The following DNAH6 variants were observed in gnomAD, a reference collection of about 807,000 sequenced individuals.
The protein encoded by DNAH6 is dynein axonemal heavy chain 6.
Under a neutral mutation model 491.4 loss-of-function variants are expected in DNAH6, and 340 were observed. The observed-to-expected ratio is 0.69, with a 90% CI of 0.63 to 0.76. The LOEUF is 0.76. Ranked by LOEUF, DNAH6 falls within the 30% of genes least tolerant of loss-of-function variation. DNAH6 has a pLI of 0.00. For synonymous variants in DNAH6, 1,603 were observed against 1,686.1 expected (o/e 0.95, Z 1.21); for missense variants, 4,443 against 4,972.2 (o/e 0.89, Z 3.20).
intron 38 of DNAH6, 134 bp from the exon 39 acceptor site, chr2:84,670,194 A>T: frequency 1.6e-6 from 1 of 612,454 alleles, no homozygotes; most frequent in Non-Finnish European, 2.8e-6. Flanking sequence ...CTCCAGTAAG[A>T]GAAAGCAGAC....
At chr2:84,754,874 A>T (rs1262085039) in intron 63 of DNAH6, among the ~76,000 whole-genome samples, 4 of 152,224 alleles carry the variant, frequency 2.6e-5, no homozygotes, top group African/African-American at 9.7e-5. Flanking sequence ...CAATTTGGGG[A>T]ATATTTACCT....
intron 2 of DNAH6, among the ~76,000 whole-genome samples, chr2:84,520,489 G>C (rs1676036018): frequency 6.6e-6 from 1 of 152,056 alleles, no homozygotes; most frequent in South Asian, 2.1e-4. Flanking sequence ...CTGAGGTCAT[G>C]GGGGTTTGTT....
At position 84,754,097 on chromosome 2, in the gene DNAH6, C is replaced by T. The variant is rs184768466; in HGVS notation, c.10513-8658C>T. 2.8e-3 allele frequency among the ~76,000 whole-genome samples: 420 copies of T among 152,180 alleles called. 3 individuals carry two copies. Among genetic ancestry groups the T allele is most frequent in the African/African-American group, 9.9e-3 (411 of 41,534 alleles). Reference sequence around the variant, plus strand: ...TTGGCCTCCCAAAGTGCTGGGATTACAGGTGTGAGCCACCACGCCTGGCCT... The same window carrying T: ...TTGGCCTCCCAAAGTGCTGGGATTATAGGTGTGAGCCACCACGCCTGGCCT... On this transcript the variant is annotated intron_variant, in intron 63 of 76. Coordinates refer to ENST00000389394, the MANE Select transcript of DNAH6 (RefSeq NM_001370.2).
At chr2:84,687,526 A>G (rs1242372720) in intron 44 of DNAH6, among the ~76,000 whole-genome samples, 4 of 152,184 alleles carry the variant, frequency 2.6e-5, no homozygotes, top group African/African-American at 4.8e-5. Context: ...GTATTTTTGT[A>G]AAGTATATAT....
chr2:84,548,381 A>G lies in DNAH6; in HGVS notation c.1280A>G (p.Gln427Arg), dbSNP rs1558694496. ...GDSEKMTYTEQASKRHYCMRL... is the reference protein window; with the variant it reads ...GDSEKMTYTERASKRHYCMRL... ...TCTGAGAAAATGACATATACAGAAC[A>G]GGCCAGCAAAAGGCATTATTGCATG... The change falls in exon 8 of 77, where the codon CAG becomes CGG. Residue 427 changes from glutamine (Q) to arginine (R), a missense_variant. Gln to Arg is a conservative substitution (Grantham distance 43). Around this residue, in one of 3 missense-constraint regions of DNAH6, gnomAD observed 2,977 missense variants for 3,296.6 expected, o/e 0.90. Transcript: ENST00000389394. 3.1e-6 allele frequency: 5 copies of G among 1,614,076 alleles called. No homozygotes were observed. Among genetic ancestry groups the G allele is most frequent in the Non-Finnish European group, 3.4e-6 (4 of 1,179,980 alleles).
At chr2:84,549,288 G>A (rs1418106356) in intron 8 of DNAH6, among the ~76,000 whole-genome samples, 1 of 152,158 alleles carries the variant, frequency 6.6e-6, no homozygotes, top group Non-Finnish European at 1.5e-5. Context: ...TGTCTGTGTA[G>A]CAACAGAAAT....
chr2:84,466,574 A>T, the DNAH6 span, among the ~76,000 whole-genome samples: 99 of 152,336 alleles, frequency 6.5e-4, no homozygotes, highest in Non-Finnish European at 1.9e-4. Flanking sequence ...AAGCAAAGTT[A>T]AAAAGATTAG....
At chr2:84,651,132 GC>G (rs1301851651) in intron 33 of DNAH6, among the ~76,000 whole-genome samples, 2 of 152,074 alleles carry the variant, frequency 1.3e-5, no homozygotes, top group Non-Finnish European at 2.9e-5. Flanking sequence ...CTCCACTGAT[GC>G]CACAAGGGAA....
chr2:84,605,191 CAA>C (rs58744232), intron 19 of DNAH6, among the ~76,000 whole-genome samples: 1 of 138,368 alleles, frequency 7.2e-6, no homozygotes, highest in African/African-American at 2.6e-5. Flanking sequence ...ATTAAAAATA[CAA>C]AAAAAAAAAA....
intron 54 of DNAH6, 58 bp from the exon 55 acceptor site, chr2:84,709,285 T>C: frequency 1.3e-6 from 2 of 1,520,668 alleles, no homozygotes; most frequent in Admixed American, 3.9e-5. Context: ...ATTTTGCATG[T>C]GCCCTCGTTT....
chr2:84,544,953 CA>C (rs1395034950), intron 5 of DNAH6, among the ~76,000 whole-genome samples: 2 of 152,052 alleles, frequency 1.3e-5, no homozygotes, highest in African/African-American at 4.8e-5. Flanking sequence ...TGGATTTATA[CA>C]GTAGGAAAAT....
chr2:84,593,495 GAA>G (rs1210970449), intron 16 of DNAH6, among the ~76,000 whole-genome samples: 1 of 152,088 alleles, frequency 6.6e-6, no homozygotes, highest in Non-Finnish European at 1.5e-5. Context: ...GTCGTGGTTA[GAA>G]AAGAGTCAGA....
the DNAH6 span, among the ~76,000 whole-genome samples, chr2:84,475,104 G>A: frequency 2.0e-5 from 3 of 152,172 alleles, no homozygotes; most frequent in Non-Finnish European, 2.9e-5. Flanking sequence ...ATTCATGTAT[G>A]TACAGTAACC....
intron 42 of DNAH6, among the ~76,000 whole-genome samples, chr2:84,682,503 A>G (rs1558903007): frequency 1.3e-5 from 2 of 151,948 alleles, no homozygotes; most frequent in African/African-American, 2.4e-5. Flanking sequence ...TCTAGCTCCC[A>G]CCCCTACTCT....
intron 40 of DNAH6, among the ~76,000 whole-genome samples, chr2:84,673,219 A>C (rs187766439): frequency 1.3e-5 from 2 of 152,156 alleles, no homozygotes; most frequent in African/African-American, 4.8e-5. Flanking sequence ...GTGAATTATG[A>C]GCACCAAACC....
At chr2:84,467,781 A>G in the DNAH6 span, among the ~76,000 whole-genome samples, 14 of 152,204 alleles carry the variant, frequency 9.2e-5, no homozygotes, top group African/African-American at 3.1e-4. Context: ...AAATCTCTCT[A>G]TTTATAATCT....
In DNAH6 at chr2:84,658,310, G is replaced by C; in HGVS notation, c.5776G>C (p.Glu1926Gln). The C allele has an allele frequency of 2.6e-6, 4 of 1,534,086 alleles. No individual in the cohort carries two copies. Among genetic ancestry groups the C allele is most frequent in the Non-Finnish European group, 3.5e-6 (4 of 1,139,028 alleles). The change falls in exon 36 of 77, where the codon GAA becomes CAA. Residue 1926 changes from glutamate to glutamine, a missense_variant. By Grantham distance (29) the Glu-to-Gln change is conservative. Transcript: ENST00000389394. ...TTTTCAGCTGACTGAGGAAACCCAA[G>C]AATATATATTGAATCTTTTCCAACG... ...ISKKLTEETQ[E>Q]YILNLFQRYV...
chr2:84,677,037 AGGCGGT>A lies in DNAH6; in HGVS notation c.6649_6654del (p.Gly2217_Gly2218del), dbSNP rs1235336032. On this transcript the variant is annotated inframe_deletion, in exon 41 of 77. Transcript: ENST00000389394. Reference sequence around the variant, plus strand: ...CAATCATATCGGCATGTGCACCTCCAGGCGGTGGCCGCAACCCTGTGACTCCCCGCT... The same window carrying A: ...CAATCATATCGGCATGTGCACCTCCAGGCCGCAACCCTGTGACTCCCCGCT... 3.9e-6 allele frequency: 6 copies of A among 1,551,656 alleles called. No individual in the cohort carries two copies. In the African/African-American group the frequency reaches 8.2e-5, roughly 21 times the overall value.
chr2:84,653,638 G>T lies in DNAH6; in HGVS notation c.5398G>T (p.Glu1800Ter). ...CAACCCTAAATCAATTACCATGGGT[G>T]AATTATATGGAGAGGTTAATAACTT... Reference protein sequence around the residue: ...VLNPKSITMGELYGEVNNLTL... With the variant: ...VLNPKSITMG The change falls in exon 34 of 77, where the codon GAA becomes TAA. Residue 1800 changes from glutamate to a stop codon, truncating the protein, a stop_gained. Coordinates refer to ENST00000389394, the MANE Select transcript of DNAH6 (RefSeq NM_001370.2). LOFTEE classifies it high-confidence loss of function. The T allele has an allele frequency of 6.4e-7, 1 of 1,551,198 alleles. No individual in the cohort carries two copies. The highest frequency in any genetic ancestry group is 2.4e-5 in the East Asian group (1 of 40,908).
Sources: gnomAD v4.1 joint callset for allele counts (sites outside exome capture counted in the v4.1 genomes callset) on GRCh38, gnomAD v4.1.1 for gene constraint, gnomAD v4.1.1 regional missense constraint, MANE v1.5 for transcripts, NCBI Gene and HGNC (gene_info 2026-07-23, HGNC 2026-07-21) for gene names.